The following CLPSL1 variants were observed in gnomAD, a reference collection of about 807,000 sequenced individuals.
The protein encoded by CLPSL1 is colipase-like protein 1.
CLPSL1 carries 13 observed loss-of-function variants against 9.3 expected under a neutral mutation model. The observed-to-expected ratio is 1.40, with a 90% CI of 0.91 to 2.22. CLPSL1 has a LOEUF of 2.22. Among genes scored for constraint, CLPSL1 ranks in the 30% most tolerant of loss-of-function variants. The probability of loss-of-function intolerance (pLI) is 0.00; values close to 1 mark genes in which losing one functional copy is unlikely to be tolerated. For synonymous variants in CLPSL1, 58 were observed against 56.9 expected (o/e 1.02, Z -0.08); for missense variants, 164 against 146.6 (o/e 1.12, Z -0.61).
In CLPSL1 at chr6:35,781,121, C is replaced by T. The variant is rs1767958026; in HGVS notation, c.11C>T (p.Pro4Leu). Residue 4 changes from proline (P) to leucine (L), a missense_variant, in exon 1 of 3, where the codon CCC becomes CTC. By Grantham distance (98) the Pro-to-Leu change is moderately conservative. Coordinates refer to ENST00000373861, the MANE Select transcript of CLPSL1 (RefSeq NM_001010886.5). ...CACGACCTGTGGGCCATGATGCTAC[C>T]CCAATGGCTGCTGCTGCTGTTCCTT... MML[P>L]QWLLLLFLLF... 6.2e-7 allele frequency: 1 copy of T among 1,613,956 alleles called. No homozygotes were observed. Among genetic ancestry groups the T allele is most frequent in the Non-Finnish European group, 8.5e-7 (1 of 1,179,926 alleles).
chr6:35,791,794 A>G (rs1248385170), downstream of CLPSL1, among the ~76,000 whole-genome samples: 5 of 152,134 alleles, frequency 3.3e-5, no homozygotes, highest in African/African-American at 1.2e-4. Flanking sequence ...AACTCCGGGC[A>G]TGGAGGCTCA....
intron 1 of CLPSL1, among the ~76,000 whole-genome samples, chr6:35,786,603 G>A (rs1768077064): frequency 6.6e-6 from 1 of 152,190 alleles, no homozygotes; most frequent in Non-Finnish European, 1.5e-5. Flanking sequence ...GGTCATTGAT[G>A]TGTGTAGGGG....
At chr6:35,791,608 CAAA>C (rs72328042), downstream of CLPSL1, among the ~76,000 whole-genome samples, 4 of 138,618 alleles carry the variant, frequency 2.9e-5, no homozygotes, top group African/African-American at 7.8e-5. Context: ...ACTCTGTCTC[CAAA>C]AAAAAAAAAA....
Position 35,787,083 on chromosome 6 carries a change from C to G in CLPSL1, c.185C>G (p.Ala62Gly), listed in dbSNP as rs953836231. 2 of 1,610,304 alleles carry G rather than the reference C, an allele frequency of 1.2e-6. No individual in the cohort carries two copies. The highest frequency in any genetic ancestry group is 1.7e-4 in the Middle Eastern group (1 of 6,058). Residue 62 changes from alanine (A) to glycine (G), a missense_variant, in exon 2 of 3, where the codon GCG becomes GGG. By Grantham distance (60) the Ala-to-Gly change is moderately conservative. Transcript: ENST00000373861. ...CCAGACAATTGCGAGTCGCACTGCG[C>G]GGAGAAGGGGTCCGAGGGCAGTCTG... ...RAPDNCESHCAEKGSEGSLCQ... is the reference protein window; with the variant it reads ...RAPDNCESHCGEKGSEGSLCQ...
downstream of CLPSL1, among the ~76,000 whole-genome samples, chr6:35,790,432 T>C (rs1164585087): frequency 3.3e-5 from 5 of 152,272 alleles, no homozygotes; most frequent in Non-Finnish European, 5.9e-5. Flanking sequence ...ACTTTTCCTC[T>C]ATCCTCTTAG....
At chr6:35,789,431 A>T (rs536061360), downstream of CLPSL1, among the ~76,000 whole-genome samples, 4 of 152,408 alleles carry the variant, frequency 2.6e-5, no homozygotes, top group Non-Finnish European at 4.4e-5. Context: ...ACACACAAAA[A>T]TAAACTCAAA....
At chr6:35,787,315 G>A (rs569463836) in intron 2 of CLPSL1, among the ~76,000 whole-genome samples, 195 bp downstream of exon 2, 1 of 152,396 alleles carries the variant, frequency 6.6e-6, no homozygotes, top group African/African-American at 2.4e-5. Flanking sequence ...CCACCCTAGG[G>A]TTTTGGAATC....
At chr6:35,791,685 C>T (rs1375745946), downstream of CLPSL1, among the ~76,000 whole-genome samples, 2 of 151,984 alleles carry the variant, frequency 1.3e-5, no homozygotes, top group African/African-American at 4.8e-5. Context: ...AATCCCAGCA[C>T]TTTAGGAGGT....
downstream of CLPSL1, among the ~76,000 whole-genome samples, chr6:35,789,848 C>G (rs1768154108): frequency 6.6e-6 from 1 of 152,080 alleles, no homozygotes; most frequent in Middle Eastern, 3.2e-3. Flanking sequence ...GAGCCGAGAT[C>G]ATACCACTGC....
chr6:35,781,046 AC>A lies in CLPSL1; in HGVS notation c.-62del. 1.3e-6 allele frequency: 2 copies of A among 1,594,748 alleles called. No individual in the cohort carries two copies. ...ATGGTGTTCCCACAGCTGGGAGGAC[AC>A]CCACATGGTCGGCGTGCAGGATATT... On this transcript the variant is annotated 5_prime_UTR_variant, in exon 1 of 3. An upstream open reading frame in the 5' UTR loses its in-frame stop. Transcript: ENST00000373861.
At chr6:35,792,080 C>T (rs1457523668), downstream of CLPSL1, among the ~76,000 whole-genome samples, 1 of 147,674 alleles carries the variant, frequency 6.8e-6, no homozygotes, top group African/African-American at 2.5e-5. Flanking sequence ...AGACAGACTC[C>T]ATCTTCCCCC....
downstream of CLPSL1, among the ~76,000 whole-genome samples, chr6:35,790,436 C>T (rs1368172050): frequency 6.6e-6 from 1 of 152,234 alleles, no homozygotes; most frequent in African/African-American, 2.4e-5. Context: ...TTCCTCTATC[C>T]TCTTAGGTTC....
chr6:35,788,911 C>A (rs1170515055), downstream of CLPSL1, among the ~76,000 whole-genome samples: 1 of 152,242 alleles, frequency 6.6e-6, no homozygotes, highest in South Asian at 2.1e-4. Context: ...GATTTTGGAC[C>A]TAAATTTCCA....
At chr6:35,791,290 TTAAGTTGAAAATATCG>T (rs779935369), downstream of CLPSL1, among the ~76,000 whole-genome samples, 647 of 152,056 alleles carry the variant, frequency 4.3e-3, no homozygotes, top group Non-Finnish European at 5.3e-3. Context: ...AACACATTGT[TTAAGTTGAAAATATCG>T]TAAGTTGAAA....
chr6:35,791,321 G>A (rs1463727506), downstream of CLPSL1, among the ~76,000 whole-genome samples: 3 of 152,258 alleles, frequency 2.0e-5, no homozygotes, highest in African/African-American at 4.8e-5. Flanking sequence ...TTGAAAATAC[G>A]TTTAATAGGC....
chr6:35,787,791 A>AGCGGG, intron 2 of CLPSL1, 76 bp from the exon 3 acceptor site: 2 of 1,421,910 alleles, frequency 1.4e-6, no homozygotes, highest in Non-Finnish European at 2.0e-6. Flanking sequence ...TGGGCCCTGG[A>AGCGGG]GCTGGGCTGG....
downstream of CLPSL1, among the ~76,000 whole-genome samples, chr6:35,788,470 T>C (rs147191019): frequency 4.7e-3 from 723 of 152,334 alleles, 23 homozygotes; most frequent in Admixed American, 0.042. Flanking sequence ...GTATAAAGAA[T>C]TGAGGATGTT....
At position 35,783,758 on chromosome 6, in the gene CLPSL1, A is replaced by C. The variant is rs543397057; in HGVS notation, c.99+2549A>C. Among the ~76,000 whole-genome samples, 6 of 150,442 alleles carry C rather than the reference A, an allele frequency of 4.0e-5. No individual in the cohort carries two copies. The Admixed American group carries it at 4.0e-4, about 10-fold the overall frequency. ...GGGAGGCACAGCTTGCAGTGAGCCGAGATCGCACCACTGCATTCCAGCCTG... is the reference window on the plus strand; with the variant it reads ...GGGAGGCACAGCTTGCAGTGAGCCGCGATCGCACCACTGCATTCCAGCCTG... On this transcript the variant is annotated intron_variant, in intron 1 of 2. Coordinates refer to ENST00000373861, the MANE Select transcript of CLPSL1 (RefSeq NM_001010886.5).
chr6:35,781,326 A>G (rs1767963452), intron 1 of CLPSL1, 117 bp downstream of exon 1: 1 of 1,422,200 alleles, frequency 7.0e-7, no homozygotes, highest in Non-Finnish European at 9.3e-7. Context: ...TGGGGGCAGC[A>G]GGGAGTGTTG....
Sources: allele counts gnomAD v4.1 joint callset (sites outside exome capture counted in the v4.1 genomes callset), GRCh38; gene constraint gnomAD v4.1.1; transcripts MANE v1.5; gene names NCBI Gene and HGNC (gene_info 2026-07-23, HGNC 2026-07-21).